NECTIN3: variants seen among roughly 807,000 people sequenced by gnomAD.
NECTIN3 encodes nectin-3.
In NECTIN3, 8 loss-of-function variants were observed where a neutral mutation model predicts 49.4. That is an observed-to-expected ratio of 0.16 (90% CI 0.10 to 0.29). NECTIN3 has a LOEUF of 0.29. Ranked by LOEUF, NECTIN3 falls within the 10% of genes least tolerant of loss-of-function variation. The pLI is 1.00. For missense variants in NECTIN3, 581 were observed against 654.6 expected (o/e 0.89, Z 1.23); for synonymous variants, 277 against 241.1 (o/e 1.15, Z -1.38).
chr3:111,100,023 C>A (rs2032812126), intron 1 of NECTIN3, among the ~76,000 whole-genome samples: 1 of 152,166 alleles, frequency 6.6e-6, no homozygotes, highest in South Asian at 2.1e-4. Context: ...GTTAGTCCAA[C>A]TCCAAAGTTC....
At chr3:111,113,876 C>G (rs534597001) in intron 2 of NECTIN3, among the ~76,000 whole-genome samples, 10 of 152,110 alleles carry the variant, frequency 6.6e-5, no homozygotes, top group African/African-American at 2.4e-4. Context: ...CCCAGCTACT[C>G]GGGTGGCTGG....
intron 7 of NECTIN3, among the ~76,000 whole-genome samples, chr3:111,163,558 T>C (rs879649023): frequency 1.3e-5 from 2 of 152,192 alleles, no homozygotes; most frequent in African/African-American, 2.4e-5. Flanking sequence ...TAAATATCAA[T>C]AGAGGTCAGC....
At chr3:111,111,883 ATGTGTGTGTGTGTGCATGTGTGTGTG>A in intron 1 of NECTIN3, 121 bp from the exon 2 acceptor site, 3 of 545,988 alleles carry the variant, frequency 5.5e-6, no homozygotes, top group South Asian at 2.4e-5. Flanking sequence ...GTGTGAGTGC[ATGTGTGTGTGTGTGCATGTGTGTGTG>A]TGTGTGTGTG....
chr3:111,140,834 C>G, downstream of NECTIN3, among the ~76,000 whole-genome samples: 1 of 151,898 alleles, frequency 6.6e-6, no homozygotes, highest in East Asian at 1.9e-4. Flanking sequence ...CAGGAAAACA[C>G]CTGATACTTG....
In NECTIN3 at chr3:111,151,011, A is replaced by G. The variant is rs1488623401; in HGVS notation, c.1221+3527A>G. The stretch of plus-strand genomic sequence containing the variant: ...ATCATAAAGGGGTCGTGGGGCCAAA[A>G]ATTTGAGAACTGCTGTTGTAAACTG... On this transcript the variant is annotated intron_variant, in intron 7 of 8. Coordinates refer to the NECTIN3 transcript ENST00000493615. Among the ~76,000 whole-genome samples the G allele has an allele frequency of 2.0e-5, 3 of 151,886 alleles. No individual in the cohort carries two copies. In the East Asian group the frequency reaches 5.8e-4, roughly 29 times the overall value.
At chr3:111,133,469 A>G (rs1344340970) in intron 5 of NECTIN3, among the ~76,000 whole-genome samples, 166 bp from the exon 6 acceptor site, 1 of 152,266 alleles carries the variant, frequency 6.6e-6, no homozygotes, top group Middle Eastern at 3.4e-3. Flanking sequence ...TTTTAAATAG[A>G]TGAGTACCAC....
Position 111,071,819 on chromosome 3 carries a change from C to G in NECTIN3, c.-199C>G. On this transcript the variant is annotated 5_prime_UTR_variant, in exon 1 of 6. Coordinates refer to ENST00000485303, the MANE Select transcript of NECTIN3 (RefSeq NM_015480.3). Reference sequence around the variant, plus strand: ...GGCGGCGGGCGGCTCCCGCTTCAGCCTCGGCAGTGGCGTCGGCGACGGCGG... The same window carrying G: ...GGCGGCGGGCGGCTCCCGCTTCAGCGTCGGCAGTGGCGTCGGCGACGGCGG... 1 of 366,734 alleles carries G rather than the reference C, an allele frequency of 2.7e-6. No homozygotes were observed. Among genetic ancestry groups the G allele is most frequent in the Non-Finnish European group, 4.8e-6 (1 of 208,592 alleles). The allele number at this position is 366,734 out of a possible 1,614,324, so 22.7% of individuals were successfully genotyped here.
chr3:111,090,062 T>A (rs1287122710), intron 1 of NECTIN3, among the ~76,000 whole-genome samples: 1 of 152,194 alleles, frequency 6.6e-6, no homozygotes, highest in Non-Finnish European at 1.5e-5. Flanking sequence ...TATAGCTACA[T>A]AAGTTTATTT....
rs374044503 is a variant in NECTIN3, at chr3:111,095,962, G to A, written c.161-16068G>A. Among the ~76,000 whole-genome samples, 5 of 152,184 alleles carry A rather than the reference G, an allele frequency of 3.3e-5. No individual in the cohort carries two copies. In the South Asian group the frequency reaches 8.3e-4, roughly 25 times the overall value. On this transcript the variant is annotated intron_variant, in intron 1 of 5. Transcript: ENST00000485303. ...AGTAAATTGGTGTCAGTGGAGTGGG[G>A]CATTACTGAAAAGATGCCTGAACAT... is the stretch of plus-strand genomic sequence containing the variant.
intron 7 of NECTIN3, among the ~76,000 whole-genome samples, chr3:111,165,517 A>T (rs2035302169): frequency 6.6e-6 from 1 of 152,146 alleles, no homozygotes; most frequent in Non-Finnish European, 1.5e-5. Context: ...AGTAGAGAAA[A>T]TCTTTTAAGG....
At chr3:111,131,412 C>A (rs991950712) in intron 5 of NECTIN3, among the ~76,000 whole-genome samples, 4 of 151,964 alleles carry the variant, frequency 2.6e-5, no homozygotes, top group Non-Finnish European at 4.4e-5. Flanking sequence ...TTGTGACTGT[C>A]ATTGTAAATT....
chr3:111,110,176 TA>T (rs1343664384), intron 1 of NECTIN3, among the ~76,000 whole-genome samples: 2 of 152,006 alleles, frequency 1.3e-5, no homozygotes, highest in Non-Finnish European at 2.9e-5. Context: ...TCCTAATATT[TA>T]TCCTTTCCTT....
At chr3:111,096,705 G>T (rs1417452658) in intron 1 of NECTIN3, among the ~76,000 whole-genome samples, 5 of 152,176 alleles carry the variant, frequency 3.3e-5, no homozygotes, top group Non-Finnish European at 7.3e-5. Context: ...TACAGCTCGG[G>T]CTGTTGCTTC....
At chr3:111,075,478 A>G (rs1419776492) in intron 1 of NECTIN3, among the ~76,000 whole-genome samples, 1 of 152,104 alleles carries the variant, frequency 6.6e-6, no homozygotes, top group Non-Finnish European at 1.5e-5. Flanking sequence ...TGAGAATTAA[A>G]TGACAGAATA....
rs1478677610 is a variant in NECTIN3 at position 111,134,952 on chromosome 3, C to A, written c.*737C>A. 1 of 981,232 alleles carries A rather than the reference C, an allele frequency of 1.0e-6. No homozygotes were observed. Among genetic ancestry groups the A allele is most frequent in the Non-Finnish European group, 1.2e-6 (1 of 826,626 alleles). 60.8% of individuals were successfully genotyped at this position (981,232 alleles called of 1,614,324 possible). ...ACCTGCAAGAGTAATAAAATACATACCTTTCAAACATGATAATTATTAGTT... is the reference window on the plus strand; with the variant it reads ...ACCTGCAAGAGTAATAAAATACATAACTTTCAAACATGATAATTATTAGTT... On this transcript the variant is annotated 3_prime_UTR_variant, in exon 6 of 6. Transcript: ENST00000485303.
In NECTIN3 at chr3:111,137,486, C is replaced by G; in HGVS notation, c.*3271C>G. 1.1e-6 allele frequency: 1 copy of G among 921,978 alleles called. No individual in the cohort carries two copies. Among genetic ancestry groups the G allele is most frequent in the South Asian group, 5.0e-5 (1 of 20,008 alleles). 57.1% of individuals were successfully genotyped at this position (921,978 alleles called of 1,614,324 possible). A position where few individuals can be genotyped will look rare whatever the true frequency, so the allele number is the denominator to read the frequency against. On this transcript the variant is annotated 3_prime_UTR_variant, in exon 6 of 6. Transcript: ENST00000485303. ...TTTTGTTTTTTCTTTTTTAACCAAC[C>G]TGTGTATTAGGTGTTAGCCCCAATA...
chr3:111,147,584 CATTAAGTGTTGTTTAGT>C, intron 7 of NECTIN3: 4 of 1,021,918 alleles, frequency 3.9e-6, no homozygotes, highest in Non-Finnish European at 5.6e-6. Flanking sequence ...AGTCATTATG[CATTAAGTGTTGTTTAGT>C]CATTATGCAT....
chr3:111,072,724 G>C, intron 1 of NECTIN3: 1 of 770,568 alleles, frequency 1.3e-6, no homozygotes, highest in Non-Finnish European at 2.0e-6. Context: ...CACTCCCCCG[G>C]CTCTGCCCTG....
intron 7 of NECTIN3, among the ~76,000 whole-genome samples, chr3:111,184,199 A>G (rs1576186404): frequency 1.3e-5 from 2 of 152,006 alleles, no homozygotes; most frequent in Admixed American, 1.3e-4. Context: ...GGTCTTTTTT[A>G]TAGTTGTCAA....
Sources: gnomAD v4.1 joint callset for allele counts (sites outside exome capture counted in the v4.1 genomes callset) on GRCh38, gnomAD v4.1.1 for gene constraint, MANE v1.5 for transcripts, NCBI Gene and HGNC (gene_info 2026-07-23, HGNC 2026-07-21) for gene names.